Variants in JHY observed in about 807,000 individuals in gnomAD.
JHY encodes junctional cadherin complex regulator, also known as jhy protein homolog.
Under a neutral mutation model 78.0 loss-of-function variants are expected in JHY, and 69 were observed. That is an observed-to-expected ratio of 0.88 (90% CI 0.73 to 1.08). The LOEUF (loss-of-function observed/expected upper bound fraction) is 1.08. Among genes scored for constraint, JHY ranks in the 50% least tolerant of loss-of-function variants. JHY has a pLI of 0.00. For synonymous variants in JHY, 368 were observed against 342.6 expected, an observed-to-expected ratio of 1.07 and a Z score of -0.82; for missense variants, 944 against 927.8, an observed-to-expected ratio of 1.02 and a Z score of -0.23.
intron 3 of JHY, chr11:122,905,641 GA>G (rs1655935964): frequency 1.0e-6 from 1 of 963,306 alleles, no homozygotes; most frequent in Non-Finnish European, 1.2e-6. Flanking sequence ...GTCGAGGTGG[GA>G]GGATCACTTG....
In JHY at chr11:122,961,329, CTGT is replaced by C. The variant is rs778071955; in HGVS notation, c.*1895_*1897del. Among the ~76,000 whole-genome samples, 41 of 150,224 alleles carry C rather than the reference CTGT, an allele frequency of 2.7e-4. No individual in the cohort carries two copies. Among genetic ancestry groups the C allele is most frequent in the African/African-American group, 9.6e-4 (39 of 40,766 alleles). On this transcript the variant is annotated 3_prime_UTR_variant, in exon 9 of 9. Coordinates refer to ENST00000227349, the MANE Select transcript of JHY (RefSeq NM_024806.4). ...CATTTTTTTATTGTTGTTTTTTTTG[CTGT>C]TGTTGTTGTTTTTAGACAGACTCTC... is the stretch of plus-strand genomic sequence containing the variant.
At chr11:122,947,934 G>T (rs1284434869) in intron 6 of JHY, among the ~76,000 whole-genome samples, 2 of 152,104 alleles carry the variant, frequency 1.3e-5, no homozygotes, top group Non-Finnish European at 2.9e-5. Context: ...ACCTGCCATT[G>T]GATAGTGACT....
chr11:122,926,042 G>A (rs1406437443), intron 4 of JHY, among the ~76,000 whole-genome samples: 2 of 147,588 alleles, frequency 1.4e-5, no homozygotes, highest in Admixed American at 6.7e-5. Flanking sequence ...AAAAAGATTA[G>A]CCAGGCATGA....
intron 3 of JHY, among the ~76,000 whole-genome samples, chr11:122,924,301 G>T (rs79303475): frequency 1.3e-5 from 2 of 151,886 alleles, no homozygotes; most frequent in Non-Finnish European, 2.9e-5. Context: ...GCATGTGCAG[G>T]CTCCGGAGAT....
Position 122,883,153 on chromosome 11 carries a change from G to C in JHY, c.-90+181G>C, listed in dbSNP as rs959256522. 6.6e-6 allele frequency among the ~76,000 whole-genome samples: 1 copy of C among 152,022 alleles called. No individual in the cohort carries two copies. Among genetic ancestry groups the C allele is most frequent in the Non-Finnish European group, 1.5e-5 (1 of 68,004 alleles). On this transcript the variant is annotated intron_variant, in intron 1 of 8. Coordinates refer to ENST00000227349, the MANE Select transcript of JHY (RefSeq NM_024806.4). The surrounding 1 kb of genome is among the most constrained non-coding windows in gnomAD (Gnocchi z 4.4). ...GGGGCGAGGCCGCGACAAGGGGCTG[G>C]GGGGCCGCCATGCGAGGCTTCGGCG...
chr11:122,902,292 A>T (rs992802480), intron 2 of JHY, among the ~76,000 whole-genome samples: 3 of 151,540 alleles, frequency 2.0e-5, no homozygotes, highest in Non-Finnish European at 2.9e-5. Context: ...CCCTGTCTCT[A>T]CTAAAAATTA....
chr11:122,885,358 A>G (rs548225741), intron 1 of JHY, among the ~76,000 whole-genome samples: 6 of 152,228 alleles, frequency 3.9e-5, no homozygotes, highest in Admixed American at 6.5e-5. Context: ...TACTCTATCC[A>G]TGAATAACTA....
intron 5 of JHY, among the ~76,000 whole-genome samples, chr11:122,945,557 G>T (rs569780724): frequency 1.3e-5 from 2 of 152,166 alleles, no homozygotes; most frequent in East Asian, 3.9e-4. Flanking sequence ...TCCTCTTACG[G>T]GCAAGGACTT....
Position 122,903,913 on chromosome 11 carries a change from T to C in JHY, c.345-12T>C. ...AACTAAGGACTTGGCATTTCTCTTC[T>C]GCTTTGGGCAGGCAACAACCAATAG... On this transcript the variant is annotated splice_polypyrimidine_tract_variant and intron_variant, in intron 2 of 8. Transcript: ENST00000227349. 1.9e-6 allele frequency: 3 copies of C among 1,545,950 alleles called. No homozygotes were observed. Among genetic ancestry groups the C allele is most frequent in the Non-Finnish European group, 2.6e-6 (3 of 1,147,546 alleles).
rs200268740 is a variant in JHY, at chr11:122,903,926, C to A, written c.346C>A (p.Gln116Lys). 1.9e-6 allele frequency: 3 copies of A among 1,572,118 alleles called. No homozygotes were observed. Among genetic ancestry groups the A allele is most frequent in the African/African-American group, 2.7e-5 (2 of 73,658 alleles). The change falls in exon 3 of 9, where the codon CAA (glutamine) becomes AAA (lysine). Residue 116 changes from glutamine to lysine, a missense_variant and splice_region_variant. Coordinates refer to ENST00000227349, the MANE Select transcript of JHY (RefSeq NM_024806.4). ...HTWDQGANNR[Q>K]QPIEDKYSDL... is the part of the protein sequence containing the mutation. Reference sequence around the variant, plus strand: ...GCATTTCTCTTCTGCTTTGGGCAGGCAACAACCAATAGAAGACAAATATTC... The same window carrying A: ...GCATTTCTCTTCTGCTTTGGGCAGGAAACAACCAATAGAAGACAAATATTC...
intron 3 of JHY, among the ~76,000 whole-genome samples, chr11:122,913,962 G>T (rs1453696951): frequency 6.6e-6 from 1 of 152,166 alleles, no homozygotes; most frequent in Non-Finnish European, 1.5e-5. Flanking sequence ...GGATTAACAA[G>T]AACTTGTGCT....
intron 4 of JHY, among the ~76,000 whole-genome samples, chr11:122,928,663 T>C (rs1384671150): frequency 1.3e-5 from 2 of 152,210 alleles, no homozygotes; most frequent in East Asian, 3.8e-4. Flanking sequence ...TTGTTGTTGT[T>C]TTTGAGACCG....
At position 122,898,866 on chromosome 11, in the gene JHY, G is replaced by C. The variant is rs374255088; in HGVS notation, c.345-5059G>C. On this transcript the variant is annotated intron_variant, in intron 2 of 8. Coordinates refer to ENST00000227349, the MANE Select transcript of JHY (RefSeq NM_024806.4). This position sits in a 1 kb window ranked among gnomAD's most constrained non-coding sequence, Gnocchi z 4.4. ...TGCTTGCCCTTGAGCTGTGCTCCTCGACCTGCCCTCCTCTCACCCTCCATT... is the reference window on the plus strand; with the variant it reads ...TGCTTGCCCTTGAGCTGTGCTCCTCCACCTGCCCTCCTCTCACCCTCCATT... Among the ~76,000 whole-genome samples the C allele has an allele frequency of 1.3e-5, 2 of 152,006 alleles. No individual in the cohort carries two copies. Among genetic ancestry groups the C allele is most frequent in the Non-Finnish European group, 2.9e-5 (2 of 68,010 alleles).
intron 4 of JHY, among the ~76,000 whole-genome samples, chr11:122,928,415 C>T (rs1863559045): frequency 6.6e-6 from 1 of 152,078 alleles, no homozygotes; most frequent in African/African-American, 2.4e-5. Context: ...GTTTCATAAA[C>T]CTACCCTAAC....
At chr11:122,909,290 T>A (rs969409631) in intron 3 of JHY, among the ~76,000 whole-genome samples, 16 of 152,174 alleles carry the variant, frequency 1.1e-4, no homozygotes, top group African/African-American at 3.6e-4. Flanking sequence ...CGGAGGACAA[T>A]TTGTTAATAT....
chr11:122,936,650 C>T (rs990768090), intron 5 of JHY, among the ~76,000 whole-genome samples: 1 of 152,048 alleles, frequency 6.6e-6, no homozygotes, highest in Non-Finnish European at 1.5e-5. Flanking sequence ...AATATGTTAA[C>T]AGATTTTTCT....
In JHY at chr11:122,960,994, GC is replaced by G; in HGVS notation, c.*1550del. 1.1e-6 allele frequency: 1 copy of G among 873,814 alleles called. No individual in the cohort carries two copies. Among genetic ancestry groups the G allele is most frequent in the Non-Finnish European group, 1.9e-6 (1 of 517,948 alleles). 54.1% of individuals were successfully genotyped at this position (873,814 alleles called of 1,614,324 possible). On this transcript the variant is annotated 3_prime_UTR_variant, in exon 9 of 9. Transcript: ENST00000227349. ...GAGCACATGATAAATTGGGTGCAGA[GC>G]ATCTCTGCACAACAGGAAAAGGAGA...
At position 122,917,571 on chromosome 11, in the gene JHY, A is replaced by T. The variant is rs954096345; in HGVS notation, c.865-7326A>T. 2.0e-5 allele frequency among the ~76,000 whole-genome samples: 3 copies of T among 152,234 alleles called. No individual in the cohort carries two copies. Among genetic ancestry groups the T allele is most frequent in the Non-Finnish European group, 4.4e-5 (3 of 68,038 alleles). The stretch of plus-strand genomic sequence containing the variant: ...GTGAGGTCCAGCAATCTGTGTTTTA[A>T]CAGGCCTTCCAAGTGATTTTGATAC... On this transcript the variant is annotated intron_variant, in intron 3 of 8. Transcript: ENST00000227349. This position sits in a 1 kb window ranked among gnomAD's most constrained non-coding sequence, Gnocchi z 4.1.
rs1009961946 is a variant in JHY, at chr11:122,944,913, G to A, written c.1635-1585G>A. ...TATTTTCTCTTATTGGTTTGTAAGTGTTTCCTCTGGTTTTGGTGTTCTGAA... is the reference window on the plus strand; with the variant it reads ...TATTTTCTCTTATTGGTTTGTAAGTATTTCCTCTGGTTTTGGTGTTCTGAA... On this transcript the variant is annotated intron_variant, in intron 5 of 8. Coordinates refer to ENST00000227349, the MANE Select transcript of JHY (RefSeq NM_024806.4). Among the ~76,000 whole-genome samples the A allele has an allele frequency of 3.9e-5, 6 of 152,152 alleles. No individual in the cohort carries two copies. In the East Asian group the frequency reaches 5.8e-4, roughly 15 times the overall value.
Sources: allele counts gnomAD v4.1 joint callset (sites outside exome capture counted in the v4.1 genomes callset), GRCh38; gene constraint gnomAD v4.1.1; non-coding constraint Gnocchi (gnomAD v3.1); transcripts MANE v1.5; gene names NCBI Gene and HGNC (gene_info 2026-07-23, HGNC 2026-07-21).